The following DOCK7 variants were observed in gnomAD, a reference collection of about 807,000 sequenced individuals.
DOCK7 encodes dedicator of cytokinesis 7.
DOCK7 carries 138 observed loss-of-function variants against 271.0 expected under a neutral mutation model. The ratio of observed to expected loss-of-function variants is 0.51; its 90% CI spans 0.44 to 0.59. The LOEUF is 0.59. Among genes scored for constraint, DOCK7 ranks in the 20% least tolerant of loss-of-function variants. DOCK7 has a pLI of 0.00. For synonymous variants in DOCK7, 823 were observed against 876.1 expected (o/e 0.94, Z 1.07); for missense variants, 2,066 against 2,592.4 (o/e 0.80, Z 4.41).
Position 62,504,762 on chromosome 1 carries a change from T to G in DOCK7, c.4632A>C (p.Glu1544Asp). The G allele has an allele frequency of 3.7e-6, 6 of 1,612,438 alleles. No homozygotes were observed. Among genetic ancestry groups the G allele is most frequent in the Non-Finnish European group, 5.1e-6 (6 of 1,179,632 alleles). The change falls in exon 37 of 50, where the codon GAA (glutamate) becomes GAC (aspartate). Residue 1544 changes from glutamate (E) to aspartate (D), a missense_variant. Glu to Asp is a conservative substitution (Grantham distance 45). Coordinates refer to ENST00000635253, the MANE Select transcript of DOCK7 (RefSeq NM_001367561.1). ...LVSKFPELLF[E>D]EETEQCADLC... ...AATCAGCACACTGCTCTGTCTCTTCTTCAAATAAGAGTTCAGGAAACTGTA... is the reference window on the plus strand; with the variant it reads ...AATCAGCACACTGCTCTGTCTCTTCGTCAAATAAGAGTTCAGGAAACTGTA...
intron 31 of DOCK7, among the ~76,000 whole-genome samples, chr1:62,518,781 A>T (rs1213754876): frequency 6.6e-6 from 1 of 152,054 alleles, no homozygotes; most frequent in Admixed American, 6.6e-5. Flanking sequence ...AAGAGAGAAA[A>T]AAAAAACTAT....
At chr1:62,632,479 T>C (rs764537970) in intron 10 of DOCK7, among the ~76,000 whole-genome samples, 2 of 152,212 alleles carry the variant, frequency 1.3e-5, no homozygotes, top group East Asian at 3.8e-4. Flanking sequence ...GTTCTTGTTA[T>C]GAATCTTGGG....
At chr1:62,619,789 G>A in intron 13 of DOCK7, 111 bp downstream of exon 13, 1 of 581,632 alleles carries the variant, frequency 1.7e-6, no homozygotes, top group Non-Finnish European at 2.8e-6. Flanking sequence ...ATTGGGCATA[G>A]AAAAATGTCT....
At chr1:62,673,286 A>G (rs920664792) in intron 1 of DOCK7, among the ~76,000 whole-genome samples, 2 of 152,146 alleles carry the variant, frequency 1.3e-5, no homozygotes, top group Non-Finnish European at 2.9e-5. Context: ...TGTCTCATAT[A>G]TCCCATCTGA....
At chr1:62,641,138 C>T in intron 7 of DOCK7, 1 of 310,078 alleles carries the variant, frequency 3.2e-6, no homozygotes, top group South Asian at 3.0e-5. Context: ...GTCCATGGCT[C>T]TTGAGGACCT....
chr1:62,489,211 AG>A, intron 41 of DOCK7, 146 bp from the exon 42 acceptor site: 1 of 696,764 alleles, frequency 1.4e-6, no homozygotes, highest in Non-Finnish European at 2.1e-6. Flanking sequence ...GCACTTTGGG[AG>A]GCCGAGGCGG....
At chr1:62,661,727 A>C (rs1165849160) in intron 2 of DOCK7, among the ~76,000 whole-genome samples, 1 of 152,156 alleles carries the variant, frequency 6.6e-6, no homozygotes, top group Non-Finnish European at 1.5e-5. Context: ...CAGAACAAGA[A>C]GGCCATAAAG....
rs181732003 is a variant in DOCK7, at chr1:62,513,077, G to A, written c.4282+367C>T. 7.6e-4 allele frequency among the ~76,000 whole-genome samples: 115 copies of A among 152,024 alleles called. 1 individual carries two copies. The highest frequency in any genetic ancestry group is 2.6e-3 in the African/African-American group (107 of 41,404). ...AGGCTACGCATACTAAGGGGTATAT[G>A]GGAAATCTCTGTACCTTTGCTCACT... On this transcript the variant is annotated intron_variant, in intron 33 of 49. Transcript: ENST00000635253.
At chr1:62,485,665 A>C in intron 43 of DOCK7, 1 of 985,420 alleles carries the variant, frequency 1.0e-6, no homozygotes, top group Non-Finnish European at 1.2e-6. Flanking sequence ...TTACCACAAT[A>C]GACAATAGTA....
chr1:62,468,285 C>T (rs866153689), intron 48 of DOCK7, among the ~76,000 whole-genome samples: 9 of 144,590 alleles, frequency 6.2e-5, no homozygotes, highest in East Asian at 2.0e-4. Context: ...CGCTTGAACC[C>T]GGGAGGCAGA....
At chr1:62,670,140 G>A (rs1471379948) in intron 1 of DOCK7, among the ~76,000 whole-genome samples, 2 of 152,224 alleles carry the variant, frequency 1.3e-5, no homozygotes, top group Admixed American at 6.5e-5. Context: ...GCAGGGCTCG[G>A]GACCTGCAGC....
At chr1:62,638,798 AACAGAT>A (rs1271208134) in intron 7 of DOCK7, among the ~76,000 whole-genome samples, 1 of 151,590 alleles carries the variant, frequency 6.6e-6, no homozygotes, top group Non-Finnish European at 1.5e-5. Context: ...AGGGGGGAGA[AACAGAT>A]ATCCAACTGT....
intron 18 of DOCK7, among the ~76,000 whole-genome samples, chr1:62,573,129 G>T (rs1426309584): frequency 6.6e-6 from 1 of 152,178 alleles, no homozygotes; most frequent in African/African-American, 2.4e-5. Flanking sequence ...AATTCATGCA[G>T]TGAAGAAAGA....
intron 46 of DOCK7, 91 bp downstream of exon 46, chr1:62,475,616 A>G (rs1244778386): frequency 2.4e-6 from 3 of 1,241,116 alleles, no homozygotes; most frequent in Admixed American, 3.7e-5. Context: ...GGTATAAGGG[A>G]TGGTACATAT....
In DOCK7 at chr1:62,505,690, C is replaced by A; in HGVS notation, c.4603G>T (p.Val1535Phe). The stretch of plus-strand genomic sequence containing the variant: ...GGTACAAAATAACCTACCTTTGAAA[C>A]CAAGGCTCTCTGTGTAGCAAAACAG... ...QHCFATQRAL[V>F]SKFPELLFEE... The change falls in exon 36 of 50, where the codon GTT (valine) becomes TTT (phenylalanine). Residue 1535 changes from valine (V) to phenylalanine (F), a missense_variant. This residue lies in a region of DOCK7 where 652 missense variants were observed against 922.1 expected (regional missense o/e 0.71). Coordinates refer to ENST00000635253, the MANE Select transcript of DOCK7 (RefSeq NM_001367561.1). The A allele has an allele frequency of 1.2e-6, 2 of 1,605,310 alleles. No individual in the cohort carries two copies. The highest frequency in any genetic ancestry group is 1.1e-5 in the South Asian group (1 of 88,998).
intron 22 of DOCK7, among the ~76,000 whole-genome samples, chr1:62,551,949 C>T (rs1645921448): frequency 6.6e-6 from 1 of 151,720 alleles, no homozygotes; most frequent in African/African-American, 2.4e-5. Context: ...TAGAATTATG[C>T]TAAATGAGTC....
At chr1:62,597,985 A>C in intron 14 of DOCK7, 1 of 1,566,386 alleles carries the variant, frequency 6.4e-7, no homozygotes, top group Non-Finnish European at 8.6e-7. Context: ...AAAGTGAAAT[A>C]TTTAGAAGAG....
chr1:62,651,381 A>G (rs947138946), intron 4 of DOCK7, among the ~76,000 whole-genome samples: 1 of 150,828 alleles, frequency 6.6e-6, no homozygotes, highest in African/African-American at 2.4e-5. Flanking sequence ...GCACACCAAC[A>G]TGGCACATGT....
intron 14 of DOCK7, among the ~76,000 whole-genome samples, chr1:62,617,777 C>T (rs917625602): frequency 4.0e-5 from 6 of 151,246 alleles, no homozygotes; most frequent in African/African-American, 1.5e-4. Context: ...AAATGTGGTT[C>T]CCATTATATT....
Sources: gnomAD v4.1 joint callset for allele counts (sites outside exome capture counted in the v4.1 genomes callset) on GRCh38, gnomAD v4.1.1 for gene constraint, gnomAD v4.1.1 regional missense constraint, MANE v1.5 for transcripts, NCBI Gene and HGNC (gene_info 2026-07-23, HGNC 2026-07-21) for gene names.